PHACTR1: variants seen among roughly 807,000 people sequenced by gnomAD.
The protein encoded by PHACTR1 is phosphatase and actin regulator 1.
Under a neutral mutation model 69.2 loss-of-function variants are expected in PHACTR1, and 16 were observed. The ratio of observed to expected loss-of-function variants is 0.23; its 90% CI spans 0.16 to 0.35. The LOEUF (loss-of-function observed/expected upper bound fraction) is 0.35. Ranked by LOEUF, PHACTR1 falls within the 10% of genes least tolerant of loss-of-function variation. The pLI is 1.00. For synonymous variants in PHACTR1, 312 were observed against 284.5 expected, an observed-to-expected ratio of 1.10 and a Z score of -0.97; for missense variants, 510 against 734.7, an observed-to-expected ratio of 0.69 and a Z score of 3.54.
At chr6:13,022,496 G>A (rs9381634) in intron 4 of PHACTR1, among the ~76,000 whole-genome samples, 33,737 of 152,040 alleles carry the variant, frequency 0.22, 4,751 homozygotes, top group East Asian at 0.5. Context: ...ATACTTATAC[G>A]AAATTCAGAT....
rs181381172 is a variant in PHACTR1, at chr6:12,817,405, A to G, written c.250+67615A>G. On this transcript the variant is annotated intron_variant, in intron 4 of 14. Transcript: ENST00000332995. ...GCAATAATAAATGGCTTGGGAAACC[A>G]TAAGTTAAAGTGGTTGAGAGTCAGA... 3.1e-4 allele frequency among the ~76,000 whole-genome samples: 47 copies of G among 152,360 alleles called. No individual in the cohort carries two copies. The East Asian group carries it at 6.7e-3, about 22-fold the overall frequency.
chr6:13,179,735 GATAGA>G lies in PHACTR1; in HGVS notation c.497-2783_497-2779del, dbSNP rs1761942216. ...AGATAGATAGATAGATAGATAGATAGATAGATAGATAGACAGAACAAGGTTATCAA... is the reference window on the plus strand; with the variant it reads ...AGATAGATAGATAGATAGATAGATAGTAGATAGACAGAACAAGGTTATCAA... On this transcript the variant is annotated intron_variant, in intron 6 of 14. Transcript: ENST00000332995. The surrounding 1 kb of genome is among the most constrained non-coding windows in gnomAD (Gnocchi z 4.2). Among the ~76,000 whole-genome samples the G allele has an allele frequency of 7.7e-6, 1 of 130,598 alleles. No individual in the cohort carries two copies. Among genetic ancestry groups the G allele is most frequent in the South Asian group, 2.5e-4 (1 of 4,062 alleles). The allele number at this position is 130,598 out of a possible 152,430, so 85.7% of individuals were successfully genotyped here. A position where few individuals can be genotyped will look rare whatever the true frequency, so the allele number is the denominator to read the frequency against.
intron 5 of PHACTR1, among the ~76,000 whole-genome samples, chr6:13,118,024 C>T (rs948455414): frequency 6.6e-6 from 1 of 152,206 alleles, no homozygotes; most frequent in Non-Finnish European, 1.5e-5. Flanking sequence ...ATATTTAGTG[C>T]TCAATGCTGG....
At chr6:12,902,481 TACTTCTAGGTTCGTCCATTGGATGA>T (rs1176984211) in intron 4 of PHACTR1, among the ~76,000 whole-genome samples, 1 of 152,098 alleles carries the variant, frequency 6.6e-6, no homozygotes, top group Admixed American at 6.5e-5. Context: ...TACCTTCCAA[TACTTCTAGGTTCGTCCATTGGATGA>T]ACTTCTAGGT....
intron 10 of PHACTR1, among the ~76,000 whole-genome samples, chr6:13,242,051 A>AT (rs1434755496): frequency 6.6e-6 from 1 of 151,992 alleles, no homozygotes; most frequent in East Asian, 1.9e-4. Flanking sequence ...AAAAAAAAAA[A>AT]AAAAGGAATA....
At position 12,792,806 on chromosome 6, in the gene PHACTR1, A is replaced by G. The variant is rs561278326; in HGVS notation, c.250+43016A>G. ...TAGAGCTGTAGATTCTTCAAGCTTG[A>G]TGTTTCCCACTATGTTTGTGCTTTA... On this transcript the variant is annotated intron_variant, in intron 4 of 14. Transcript: ENST00000332995. Among the ~76,000 whole-genome samples, 79 of 140,720 alleles carry G rather than the reference A, an allele frequency of 5.6e-4. No individual in the cohort carries two copies. In the South Asian group the frequency reaches 0.018, roughly 32 times the overall value. The allele number at this position is 140,720 out of a possible 152,430, so 92.3% of individuals were successfully genotyped here.
intron 3 of PHACTR1, among the ~76,000 whole-genome samples, chr6:12,735,168 T>C (rs1186655575): frequency 6.6e-6 from 1 of 152,156 alleles, no homozygotes; most frequent in African/African-American, 2.4e-5. Context: ...CCATGACATC[T>C]AGCAGGAGGC....
intron 6 of PHACTR1, among the ~76,000 whole-genome samples, chr6:13,167,540 A>C (rs529582337): frequency 2.6e-5 from 4 of 152,218 alleles, no homozygotes; most frequent in Admixed American, 6.5e-5. Context: ...CAGCTCACCT[A>C]GTAGTTTCCA....
At chr6:13,154,708 G>A (rs1453863872) in intron 5 of PHACTR1, among the ~76,000 whole-genome samples, 2 of 150,720 alleles carry the variant, frequency 1.3e-5, no homozygotes, top group Non-Finnish European at 2.9e-5. Flanking sequence ...CTCACACCTC[G>A]GTTCTCATTT....
At chr6:13,059,154 G>T (rs1807284306) in intron 5 of PHACTR1, among the ~76,000 whole-genome samples, 1 of 152,076 alleles carries the variant, frequency 6.6e-6, no homozygotes, top group African/African-American at 2.4e-5. Context: ...AAAAAAGAAG[G>T]AAATCCTACC....
intron 4 of PHACTR1, among the ~76,000 whole-genome samples, chr6:13,018,899 G>C (rs1800555933): frequency 6.6e-6 from 1 of 151,876 alleles, no homozygotes; most frequent in South Asian, 2.1e-4. Context: ...ATTTATTTGA[G>C]ATAGGGTCTC....
chr6:13,226,265 C>A (rs1769673178), intron 8 of PHACTR1, among the ~76,000 whole-genome samples: 1 of 152,070 alleles, frequency 6.6e-6, no homozygotes, highest in South Asian at 2.1e-4. Flanking sequence ...AAAAACAGCT[C>A]TTTGCAAACA....
At chr6:12,911,938 G>C (rs1786452916) in intron 4 of PHACTR1, among the ~76,000 whole-genome samples, 1 of 152,174 alleles carries the variant, frequency 6.6e-6, no homozygotes, top group Non-Finnish European at 1.5e-5. Context: ...ACATCATTTA[G>C]GACAGAGAGA....
At chr6:13,013,480 AAAAGG>A (rs1207448603) in intron 4 of PHACTR1, among the ~76,000 whole-genome samples, 1 of 152,200 alleles carries the variant, frequency 6.6e-6, no homozygotes, top group Non-Finnish European at 1.5e-5. Flanking sequence ...AGGCGTGAAG[AAAAGG>A]GGGAGGGGGT....
At chr6:12,750,716 G>A (rs1182561608) in intron 4 of PHACTR1, among the ~76,000 whole-genome samples, 1 of 152,150 alleles carries the variant, frequency 6.6e-6, no homozygotes, top group Non-Finnish European at 1.5e-5. Flanking sequence ...CGACTCTAGA[G>A]TGCCTTACTC....
intron 5 of PHACTR1, among the ~76,000 whole-genome samples, chr6:13,110,547 C>G (rs1013751808): frequency 1.3e-5 from 2 of 152,104 alleles, no homozygotes; most frequent in Non-Finnish European, 2.9e-5. Context: ...TGCTCCGTGC[C>G]GCTTTCTCCT....
At chr6:12,868,712 C>T (rs1162411359) in intron 4 of PHACTR1, among the ~76,000 whole-genome samples, 3 of 152,082 alleles carry the variant, frequency 2.0e-5, no homozygotes, top group Non-Finnish European at 4.4e-5. Context: ...TATGTCCTGG[C>T]CTTTCCCCAG....
At chr6:13,203,502 T>A (rs750074024) in intron 7 of PHACTR1, among the ~76,000 whole-genome samples, 2 of 152,248 alleles carry the variant, frequency 1.3e-5, no homozygotes, top group African/African-American at 4.8e-5. Context: ...TTGATTATCA[T>A]GACTGTCGTC....
At chr6:13,048,043 A>G (rs547832464) in intron 4 of PHACTR1, among the ~76,000 whole-genome samples, 1 of 152,272 alleles carries the variant, frequency 6.6e-6, no homozygotes, top group South Asian at 2.1e-4. Flanking sequence ...TGGCCTGTCT[A>G]AGGAGAAAGA....
Sources: allele counts gnomAD v4.1 joint callset (sites outside exome capture counted in the v4.1 genomes callset), GRCh38; gene constraint gnomAD v4.1.1; non-coding constraint Gnocchi (gnomAD v3.1); transcripts MANE v1.5; gene names NCBI Gene and HGNC (gene_info 2026-07-23, HGNC 2026-07-21).